Variants in MYO16 observed in about 807,000 individuals in gnomAD.
MYO16 encodes myosin XVI.
Under a neutral mutation model 205.3 loss-of-function variants are expected in MYO16, and 94 were observed. That is an observed-to-expected ratio of 0.46 (90% CI 0.39 to 0.54). The LOEUF (loss-of-function observed/expected upper bound fraction) is 0.54, where lower values mean the gene tolerates loss of function less well. MYO16 is among the 20% of genes least tolerant of loss of function. The pLI, the probability that MYO16 is intolerant of heterozygous loss-of-function variation, is 0.00. For missense variants in MYO16, 2,315 were observed against 2,387.5 expected (o/e 0.97, Z 0.63); for synonymous variants, 988 against 954.0 (o/e 1.04, Z -0.66).
chr13:108,799,297 A>C (rs1886898789), intron 6 of MYO16, among the ~76,000 whole-genome samples: 1 of 152,266 alleles, frequency 6.6e-6, no homozygotes, highest in Non-Finnish European at 1.5e-5. Flanking sequence ...GGTGGAACCC[A>C]TGGATCACCT....
chr13:109,135,018 G>C (rs1375064103), intron 31 of MYO16, among the ~76,000 whole-genome samples: 1 of 152,128 alleles, frequency 6.6e-6, no homozygotes, highest in Non-Finnish European at 1.5e-5. Flanking sequence ...GTCTAAACCA[G>C]ATCCACATGT....
intron 1 of MYO16, among the ~76,000 whole-genome samples, chr13:108,652,183 GTGTGTGAATGTGTC>G (rs1431176226): frequency 3.9e-5 from 6 of 152,296 alleles, no homozygotes; most frequent in African/African-American, 1.4e-4. Context: ...GCGCGTGTGT[GTGTGTGAATGTGTC>G]TGTGTGTCTA....
chr13:108,695,339 T>C (rs941129052), intron 2 of MYO16, among the ~76,000 whole-genome samples: 7 of 152,208 alleles, frequency 4.6e-5, no homozygotes, highest in African/African-American at 1.7e-4. Flanking sequence ...CATTGATGTA[T>C]GGGTGTATCA....
intron 4 of MYO16, among the ~76,000 whole-genome samples, chr13:108,746,012 C>T (rs1036081530): frequency 4.0e-5 from 6 of 148,946 alleles, no homozygotes; most frequent in African/African-American, 1.5e-4. Context: ...ACAGTGAAAC[C>T]CCATCTCTAC....
chr13:109,186,284 G>A (rs754217837), intron 34 of MYO16, among the ~76,000 whole-genome samples: 45 of 152,176 alleles, frequency 3.0e-4, no homozygotes, highest in Non-Finnish European at 5.4e-4. Context: ...GCATGGCAGG[G>A]AGCAAGCTCA....
intron 9 of MYO16, among the ~76,000 whole-genome samples, chr13:108,839,929 A>G (rs1877147816): frequency 2.0e-5 from 3 of 152,256 alleles, no homozygotes; most frequent in Admixed American, 1.3e-4. Context: ...TTCTAGACAC[A>G]TAAAAACAGC....
intron 1 of MYO16, among the ~76,000 whole-genome samples, chr13:108,597,224 A>G (rs1878595361): frequency 1.3e-5 from 2 of 152,220 alleles, no homozygotes; most frequent in South Asian, 2.1e-4. Context: ...CTTAAGATAT[A>G]TATTTATAGC....
At chr13:109,105,188 A>C (rs1889085771) in intron 28 of MYO16, among the ~76,000 whole-genome samples, 1 of 152,258 alleles carries the variant, frequency 6.6e-6, no homozygotes. Flanking sequence ...GAATTTTTAC[A>C]GGCTGGGCGC....
intron 7 of MYO16, among the ~76,000 whole-genome samples, chr13:108,819,478 C>T (rs982792286): frequency 3.3e-5 from 5 of 151,032 alleles, no homozygotes; most frequent in Non-Finnish European, 5.9e-5. Context: ...AATGGTTAGC[C>T]GAAAAGTCAC....
At chr13:108,701,054 A>G (rs1883287770) in intron 2 of MYO16, among the ~76,000 whole-genome samples, 1 of 152,172 alleles carries the variant, frequency 6.6e-6, no homozygotes, top group Non-Finnish European at 1.5e-5. Flanking sequence ...TTAAGGAAAT[A>G]TGTTTACTCA....
chr13:108,821,586 C>T (rs1488049848), intron 8 of MYO16, among the ~76,000 whole-genome samples: 1 of 152,178 alleles, frequency 6.6e-6, no homozygotes, highest in Non-Finnish European at 1.5e-5. Context: ...GTAGCTCACA[C>T]TTTTCAAGTT....
chr13:109,018,975 T>G (rs166754), intron 22 of MYO16, among the ~76,000 whole-genome samples: 69,361 of 141,636 alleles, frequency 0.49, 16,301 homozygotes, highest in East Asian at 0.66. Flanking sequence ...TTTTTTTTTG[T>G]TTTTTTTTTT....
At chr13:109,168,317 G>C (rs906303248) in intron 33 of MYO16, among the ~76,000 whole-genome samples, 1 of 152,034 alleles carries the variant, frequency 6.6e-6, no homozygotes, top group South Asian at 2.1e-4. Flanking sequence ...TCTGAAAACA[G>C]TAAAACATAA....
intron 33 of MYO16, among the ~76,000 whole-genome samples, chr13:109,172,056 G>A (rs551335): frequency 1.3e-5 from 2 of 152,090 alleles, no homozygotes; most frequent in South Asian, 2.1e-4. Context: ...CCATTAGGGC[G>A]CCAAACCACA....
intron 2 of MYO16, among the ~76,000 whole-genome samples, chr13:108,669,092 G>A (rs1289198043): frequency 5.9e-5 from 9 of 152,100 alleles, no homozygotes; most frequent in Non-Finnish European, 1.2e-4. Context: ...TTGAAGTGAC[G>A]TAGAGAAAGA....
At chr13:108,648,630 A>G (rs899461095) in intron 1 of MYO16, among the ~76,000 whole-genome samples, 11 of 151,950 alleles carry the variant, frequency 7.2e-5, no homozygotes, top group Admixed American at 7.2e-4. Context: ...ACTTGTTGAA[A>G]TAAGCTATAC....
chr13:109,100,715 A>G, intron 27 of MYO16, 70 bp from the exon 28 acceptor site: 1 of 1,233,534 alleles, frequency 8.1e-7, no homozygotes, highest in Non-Finnish European at 1.2e-6. Flanking sequence ...TAACAAAGAC[A>G]GCCCTGTTGA....
At chr13:108,586,476 G>A in the MYO16 span, among the ~76,000 whole-genome samples, 1 of 152,130 alleles carries the variant, frequency 6.6e-6, no homozygotes, top group African/African-American at 2.4e-5. Flanking sequence ...GCTAAGTAGT[G>A]TATCCAAAGA....
intron 32 of MYO16, among the ~76,000 whole-genome samples, chr13:109,164,424 A>AAG (rs2139875503): frequency 1.3e-5 from 2 of 152,320 alleles, no homozygotes; most frequent in South Asian, 4.1e-4. Flanking sequence ...GCGGAAGTCG[A>AAG]GTATTGAAGT....
Sources: allele counts gnomAD v4.1 joint callset (sites outside exome capture counted in the v4.1 genomes callset), GRCh38; gene constraint gnomAD v4.1.1; transcripts MANE v1.5; gene names NCBI Gene and HGNC (gene_info 2026-07-23, HGNC 2026-07-21).